Variants in DNAH5 observed in about 807,000 individuals in gnomAD.
DNAH5 encodes dynein axonemal heavy chain 5, also known as axonemal beta dynein heavy chain 5.
DNAH5 carries 372 observed loss-of-function variants against 518.2 expected under a neutral mutation model. That is an observed-to-expected ratio of 0.72 (90% CI 0.66 to 0.78). The LOEUF (loss-of-function observed/expected upper bound fraction) is 0.78, where lower values mean the gene tolerates loss of function less well. Among genes scored for constraint, DNAH5 ranks in the 30% least tolerant of loss-of-function variants. DNAH5 has a pLI of 0.00. For missense variants in DNAH5, 5,523 were observed against 5,687.0 expected (o/e 0.97, Z 0.93); for synonymous variants, 2,039 against 2,025.9 (o/e 1.01, Z -0.17).
intron 1 of DNAH5, among the ~76,000 whole-genome samples, chr5:13,997,062 T>C (rs1277131058): frequency 1.3e-5 from 2 of 152,200 alleles, no homozygotes; most frequent in African/African-American, 4.8e-5. Flanking sequence ...CCTGCAGAGT[T>C]AGCATCATGA....
chr5:13,799,114 T>C (rs534762527), intron 47 of DNAH5, among the ~76,000 whole-genome samples: 20 of 152,270 alleles, frequency 1.3e-4, no homozygotes, highest in Non-Finnish European at 2.6e-4. Context: ...TTTTCACTAT[T>C]TTTAAATAGA....
intron 71 of DNAH5, among the ~76,000 whole-genome samples, chr5:13,719,748 GA>G: frequency 6.6e-6 from 1 of 152,286 alleles, no homozygotes; most frequent in South Asian, 2.1e-4. Context: ...GCTGAATTTT[GA>G]GACCTGCTAC....
chr5:13,876,938 AC>A (rs1770981462), intron 21 of DNAH5, 121 bp from the exon 22 acceptor site: 9 of 1,016,930 alleles, frequency 8.9e-6, no homozygotes, highest in Non-Finnish European at 1.3e-5. Flanking sequence ...CTTTATAAAA[AC>A]AATGAAAATA....
At chr5:13,917,383 T>C (rs558340020) in intron 7 of DNAH5, 127 bp from the exon 8 acceptor site, 1 of 733,998 alleles carries the variant, frequency 1.4e-6, no homozygotes, top group African/African-American at 1.7e-5. Flanking sequence ...GAAAACTGAA[T>C]CCAGAGGGGC....
At chr5:13,880,905 C>CA (rs911938290) in intron 21 of DNAH5, among the ~76,000 whole-genome samples, 92 of 151,694 alleles carry the variant, frequency 6.1e-4, no homozygotes, top group South Asian at 1.5e-3. Flanking sequence ...TAAAAGACCA[C>CA]AAAAAAAGAC....
intron 1 of DNAH5, among the ~76,000 whole-genome samples, chr5:13,931,484 T>C (rs1265878360): frequency 6.6e-6 from 1 of 152,186 alleles, no homozygotes. Flanking sequence ...GAGAGAAAAA[T>C]CTGCCATCCA....
rs190698052 is a variant in DNAH5 at position 13,748,169 on chromosome 5, G to A, written c.11211+2909C>T. Among the ~76,000 whole-genome samples the A allele has an allele frequency of 2.7e-3, 416 of 152,254 alleles. 1 individual carries two copies. Among genetic ancestry groups the A allele is most frequent in the Non-Finnish European group, 4.9e-3 (336 of 68,016 alleles). ...CCCATTGCTTGTTTTTCTCAGGTTTGTCAAAGATCAGATAGTTGTAGATGT... is the reference window on the plus strand; with the variant it reads ...CCCATTGCTTGTTTTTCTCAGGTTTATCAAAGATCAGATAGTTGTAGATGT... On this transcript the variant is annotated intron_variant, in intron 65 of 78. Transcript: ENST00000265104.
At chr5:13,715,341 C>A (rs30174) in intron 74 of DNAH5, among the ~76,000 whole-genome samples, 58,184 of 151,996 alleles carry the variant, frequency 0.38, 11,293 homozygotes, top group South Asian at 0.44. Context: ...TGCATAATAT[C>A]TTCTTATGAG....
chr5:13,709,613 G>C (rs1743227617), intron 75 of DNAH5, among the ~76,000 whole-genome samples: 1 of 152,122 alleles, frequency 6.6e-6, no homozygotes, highest in Non-Finnish European at 1.5e-5. Context: ...GTGAACATTA[G>C]CTCCGGATCT....
intron 27 of DNAH5, among the ~76,000 whole-genome samples, chr5:13,865,207 A>C (rs532864334): frequency 6.6e-5 from 10 of 151,966 alleles, no homozygotes; most frequent in African/African-American, 2.4e-4. Flanking sequence ...GTTGGCCAGG[A>C]TAGTCTCAAT....
At chr5:13,855,657 C>A (rs1767527669) in intron 30 of DNAH5, among the ~76,000 whole-genome samples, 1 of 152,188 alleles carries the variant, frequency 6.6e-6, no homozygotes, top group Non-Finnish European at 1.5e-5. Flanking sequence ...TAACAGACAT[C>A]TACAGAACTC....
chr5:13,870,100 G>A (rs944620172), intron 24 of DNAH5, among the ~76,000 whole-genome samples: 2 of 152,136 alleles, frequency 1.3e-5, no homozygotes, highest in African/African-American at 4.8e-5. Flanking sequence ...ACAAATAAAA[G>A]TGATGTGCAA....
At chr5:13,982,356 T>C (rs949140538) in intron 1 of DNAH5, among the ~76,000 whole-genome samples, 2 of 140,638 alleles carry the variant, frequency 1.4e-5, no homozygotes, top group Admixed American at 1.4e-4. Context: ...ATACGCATTA[T>C]TGCATGAGTG....
At chr5:13,976,643 C>G (rs1451395683) in intron 1 of DNAH5, among the ~76,000 whole-genome samples, 1 of 150,546 alleles carries the variant, frequency 6.6e-6, no homozygotes, top group African/African-American at 2.5e-5. Context: ...GTAAACTGAA[C>G]TTTATCATAG....
intron 1 of DNAH5, among the ~76,000 whole-genome samples, chr5:13,967,986 T>C (rs570422082): frequency 6.6e-6 from 1 of 152,340 alleles, no homozygotes; most frequent in East Asian, 1.9e-4. Flanking sequence ...TGTCTATGAT[T>C]TCTTTCAGTA....
intron 68 of DNAH5, among the ~76,000 whole-genome samples, chr5:13,734,403 A>G (rs1279651505): frequency 1.3e-5 from 2 of 152,190 alleles, no homozygotes; most frequent in Non-Finnish European, 2.9e-5. Flanking sequence ...AGAATGTGAT[A>G]GTGAATTTAT....
Position 13,817,617 on chromosome 5 carries a change from C to T in DNAH5, c.6919G>A (p.Val2307Ile), listed in dbSNP as rs74604638. 2,121 of 1,614,178 alleles carry T rather than the reference C, an allele frequency of 1.3e-3. 27 individuals are homozygous for T. The African/African-American group carries it at 0.025, about 19-fold the overall frequency. The change falls in exon 42 of 79, where the codon GTT becomes ATT. Residue 2307 changes from valine (V) to isoleucine (I), a missense_variant. Val to Ile is a conservative substitution (Grantham distance 29). Around this residue, in one of 3 missense-constraint regions of DNAH5, gnomAD observed 5,121 missense variants for 5,223.3 expected, o/e 0.98. Transcript: ENST00000265104. ...TAPQMFGRLD[V>I]ATNDWTDGIF... is the part of the protein sequence containing the mutation. ...CCATCAGTCCAGTCATTTGTGGCAA[C>T]GTCCAGCCGACCAAACATCTGTGGG...
In DNAH5 at chr5:13,883,858, C is replaced by CA. The variant is rs1056779851; in HGVS notation, c.2984-765dup. On this transcript the variant is annotated intron_variant, in intron 19 of 78. Transcript: ENST00000265104. ...AAACATAATAAGCCATGGCACCAAA[C>CA]AAAAAAAAAATCTTTCAGAGTTTCC... Among the ~76,000 whole-genome samples the CA allele has an allele frequency of 8.5e-3, 1,254 of 147,988 alleles. 13 individuals carry two copies. Among genetic ancestry groups the CA allele is most frequent in the African/African-American group, 0.021 (870 of 40,502 alleles).
chr5:13,774,632 C>T lies in DNAH5; in HGVS notation c.9373+1807G>A, dbSNP rs189824446. ...ATCATGAAGCTCAATATGTACGTTC[C>T]GAATAAATGAACAAATAGATTAATG... On this transcript the variant is annotated intron_variant, in intron 55 of 78. Transcript: ENST00000265104. 1.7e-3 allele frequency among the ~76,000 whole-genome samples: 265 copies of T among 152,144 alleles called. 3 individuals carry two copies. The highest frequency in any genetic ancestry group is 6.2e-3 in the African/African-American group (258 of 41,500).
Sources: allele counts gnomAD v4.1 joint callset (sites outside exome capture counted in the v4.1 genomes callset), GRCh38; gene constraint gnomAD v4.1.1; regional missense constraint gnomAD v4.1.1; transcripts MANE v1.5; gene names NCBI Gene and HGNC (gene_info 2026-07-23, HGNC 2026-07-21).